The following SPICE1 variants were observed in gnomAD, a reference collection of about 807,000 sequenced individuals.
SPICE1 encodes the protein spindle and centriole-associated protein 1.
In SPICE1, 75 loss-of-function variants were observed where a neutral mutation model predicts 102.7. The observed-to-expected ratio is 0.73, with a 90% confidence interval of 0.61 to 0.88. The LOEUF (loss-of-function observed/expected upper bound fraction) is 0.88, where lower values mean the gene tolerates loss of function less well. Among genes scored for constraint, SPICE1 ranks in the 40% least tolerant of loss-of-function variants. The probability of loss-of-function intolerance (pLI) is 0.00; values close to 1 mark genes in which losing one functional copy is unlikely to be tolerated. For synonymous variants in SPICE1, 308 were observed against 350.3 expected (o/e 0.88, Z 1.35); for missense variants, 979 against 1,020.1 (o/e 0.96, Z 0.55).
intron 6 of SPICE1, among the ~76,000 whole-genome samples, 173 bp downstream of exon 6, chr3:113,493,033 T>C (rs1389812112): frequency 6.6e-6 from 1 of 152,248 alleles, no homozygotes; most frequent in African/African-American, 2.4e-5. Flanking sequence ...TATTATCCAG[T>C]CTTGTTTGAT....
At chr3:113,461,311 C>CTA (rs1265724972) in intron 11 of SPICE1, among the ~76,000 whole-genome samples, 1 of 150,378 alleles carries the variant, frequency 6.6e-6, no homozygotes, top group East Asian at 1.9e-4. Flanking sequence ...TCATCTTTGT[C>CTA]TATATGTGTG....
chr3:113,482,182 CG>C (rs1358142770), intron 7 of SPICE1, among the ~76,000 whole-genome samples: 2 of 152,098 alleles, frequency 1.3e-5, no homozygotes, highest in East Asian at 3.8e-4. Flanking sequence ...AGCTTTTTTT[CG>C]TATGTTTTTT....
chr3:113,485,589 T>G (rs914362236), intron 7 of SPICE1, among the ~76,000 whole-genome samples: 1 of 152,076 alleles, frequency 6.6e-6, no homozygotes, highest in African/African-American at 2.4e-5. Flanking sequence ...CAGGGACTTA[T>G]AAATAAAACC....
chr3:113,503,930 C>CT (rs1485395029), intron 2 of SPICE1, among the ~76,000 whole-genome samples: 1 of 73,366 alleles, frequency 1.4e-5, no homozygotes, highest in Non-Finnish European at 2.4e-5. Context: ...GAGTTTCTAT[C>CT]TAAAAAAAAA....
At chr3:113,491,624 C>CAAAAAAAAAAAAAAAAAAAAAA (rs869171154) in intron 6 of SPICE1, among the ~76,000 whole-genome samples, 2 of 38,102 alleles carry the variant, frequency 5.2e-5, no homozygotes, top group African/African-American at 8.7e-5. Context: ...GACTCCGTCT[C>CAAAAAAAAAAAAAAAAAAAAAA]AAAAAAAAAA....
intron 4 of SPICE1, among the ~76,000 whole-genome samples, chr3:113,495,699 C>A (rs566132667): frequency 1.3e-5 from 2 of 152,146 alleles, no homozygotes; most frequent in Non-Finnish European, 2.9e-5. Flanking sequence ...TCTTACTTAG[C>A]CGTCTTGCAA....
intron 7 of SPICE1, among the ~76,000 whole-genome samples, chr3:113,475,919 T>C (rs1413670455): frequency 6.6e-6 from 1 of 152,172 alleles, no homozygotes; most frequent in Non-Finnish European, 1.5e-5. Context: ...AACATAGTGT[T>C]GGAAGTTCTG....
chr3:113,480,332 T>C (rs1378903290), intron 7 of SPICE1, among the ~76,000 whole-genome samples: 1 of 152,068 alleles, frequency 6.6e-6, no homozygotes, highest in Non-Finnish European at 1.5e-5. Flanking sequence ...CTTAAAAAAT[T>C]AGAAAAATCT....
Position 113,446,679 on chromosome 3 carries a change from A to G in SPICE1, c.2427-3T>C, listed in dbSNP as rs781147522. ...AATTACCAGTAGCCCCGGAAGATCT[A>G]TTCATGAAAAATAAAACAGAGTAAG... On this transcript the variant is annotated splice_polypyrimidine_tract_variant and splice_region_variant and intron_variant, in intron 16 of 17. Transcript: ENST00000295872. The G allele has an allele frequency of 2.5e-6, 4 of 1,609,470 alleles. No individual in the cohort carries two copies. Among genetic ancestry groups the G allele is most frequent in the Middle Eastern group, 1.7e-4 (1 of 6,054 alleles).
chr3:113,454,586 C>G (rs1230635979), intron 13 of SPICE1, among the ~76,000 whole-genome samples: 1 of 151,924 alleles, frequency 6.6e-6, no homozygotes, highest in African/African-American at 2.4e-5. Flanking sequence ...CATGATGGTG[C>G]ACGGCTGTAA....
chr3:113,486,713 CATTAT>C (rs1936656481), intron 7 of SPICE1, among the ~76,000 whole-genome samples: 1 of 151,576 alleles, frequency 6.6e-6, no homozygotes, highest in African/African-American at 2.4e-5. Flanking sequence ...GATTACTATA[CATTAT>C]ATGTATCAAA....
intron 7 of SPICE1, among the ~76,000 whole-genome samples, chr3:113,473,617 GT>G (rs1936262452): frequency 6.6e-6 from 1 of 152,054 alleles, no homozygotes; most frequent in African/African-American, 2.4e-5. Flanking sequence ...CCAGAAGAGA[GT>G]GGGGGCCAAT....
chr3:113,476,517 C>T (rs1246175225), intron 7 of SPICE1, among the ~76,000 whole-genome samples: 1 of 146,156 alleles, frequency 6.8e-6, no homozygotes, highest in Non-Finnish European at 1.5e-5. Context: ...AGGCATCATG[C>T]TACCTGACTT....
At chr3:113,468,508 G>T (rs1414561229) in intron 9 of SPICE1, 104 bp from the exon 10 acceptor site, 1 of 1,315,102 alleles carries the variant, frequency 7.6e-7, no homozygotes, top group African/African-American at 1.5e-5. Flanking sequence ...TAAAAGGCTT[G>T]TATAGACGAT....
intron 7 of SPICE1, among the ~76,000 whole-genome samples, chr3:113,477,089 A>G (rs1185615285): frequency 6.6e-6 from 1 of 151,922 alleles, no homozygotes; most frequent in Non-Finnish European, 1.5e-5. Context: ...AATTTACAAG[A>G]AAAAAACAAA....
intron 16 of SPICE1, 34 bp downstream of exon 16, chr3:113,448,000 ATTTT>A (rs758964314): frequency 2.3e-6 from 3 of 1,313,516 alleles, no homozygotes; most frequent in Non-Finnish European, 3.1e-6. Context: ...ATTCTTTTTG[ATTTT>A]TTTTTTTAAA....
chr3:113,447,552 GTC>G (rs1364624769), intron 16 of SPICE1, among the ~76,000 whole-genome samples: 3 of 152,144 alleles, frequency 2.0e-5, no homozygotes, highest in African/African-American at 7.2e-5. Flanking sequence ...GGGGAAAAAG[GTC>G]CAGGTAGTAG....
At chr3:113,453,290 G>C (rs1935699650) in intron 14 of SPICE1, among the ~76,000 whole-genome samples, 176 bp downstream of exon 14, 1 of 151,998 alleles carries the variant, frequency 6.6e-6, no homozygotes, top group African/African-American at 2.4e-5. Context: ...TGTATTGTAT[G>C]TACAACAGAC....
rs1291286186 is a variant in SPICE1, at chr3:113,487,909, G to A, written c.611+1036C>T. On this transcript the variant is annotated intron_variant, in intron 7 of 17. Transcript: ENST00000295872. ...GAGTCTAATAATGAAGAACTTATAA[G>A]ACAAAGTCAAACTAGAGGGAATTCT... 5.3e-5 allele frequency among the ~76,000 whole-genome samples: 8 copies of A among 152,198 alleles called. No homozygotes were observed. The South Asian group carries it at 1.5e-3, about 28-fold the overall frequency.
Sources: allele counts gnomAD v4.1 joint callset (sites outside exome capture counted in the v4.1 genomes callset), GRCh38; gene constraint gnomAD v4.1.1; transcripts MANE v1.5; gene names NCBI Gene and HGNC (gene_info 2026-07-23, HGNC 2026-07-21).